TMEM43: variants seen among roughly 807,000 people sequenced by gnomAD.
TMEM43 encodes the protein arrhythmogenic right ventricular dysplasia 5.
A neutral mutation model predicts 49.6 loss-of-function variants in TMEM43; 45 were observed. The ratio of observed to expected loss-of-function variants is 0.91; its 90% CI spans 0.71 to 1.16. The LOEUF (loss-of-function observed/expected upper bound fraction) is 1.16. Among genes scored for constraint, TMEM43 ranks in the 50% most tolerant of loss-of-function variants. The probability of loss-of-function intolerance (pLI) is 0.00; values close to 1 mark genes in which losing one functional copy is unlikely to be tolerated. For synonymous variants in TMEM43, 199 were observed against 207.8 expected (o/e 0.96, Z 0.36); for missense variants, 532 against 516.6 (o/e 1.03, Z -0.29).
intron 1 of TMEM43, among the ~76,000 whole-genome samples, chr3:14,127,420 T>C (rs1260877190): frequency 6.6e-6 from 1 of 152,222 alleles, no homozygotes; most frequent in Non-Finnish European, 1.5e-5. Context: ...TTCCTATTGC[T>C]GCCTGCAGCT....
intron 10 of TMEM43, 85 bp downstream of exon 10, chr3:14,135,993 CA>C: frequency 8.6e-7 from 1 of 1,165,520 alleles, no homozygotes. Flanking sequence ...ATCACACTAC[CA>C]GGGGTCATAG....
At chr3:14,130,730 G>C in intron 2 of TMEM43, 92 bp from the exon 3 acceptor site, 1 of 1,496,138 alleles carries the variant, frequency 6.7e-7, no homozygotes, top group South Asian at 1.3e-5. Flanking sequence ...AGCGCTCCCG[G>C]AGGCCCCATC....
intron 4 of TMEM43, 79 bp from the exon 5 acceptor site, chr3:14,132,467 C>CT (rs1695109482): frequency 6.6e-7 from 1 of 1,524,638 alleles, no homozygotes; most frequent in Admixed American, 1.7e-5. Flanking sequence ...CCTGAGGTTG[C>CT]TTCCTGCTCA....
intron 11 of TMEM43, 99 bp downstream of exon 11, chr3:14,139,396 C>T (rs954156693): frequency 5.7e-6 from 5 of 875,494 alleles, no homozygotes; most frequent in Non-Finnish European, 7.8e-6. Flanking sequence ...ATGGGATGGC[C>T]CTTGTGCAGA....
chr3:14,135,716 G>A (rs372244910), intron 9 of TMEM43, 91 bp from the exon 10 acceptor site: 218 of 1,092,884 alleles, frequency 2.0e-4, no homozygotes, highest in Non-Finnish European at 2.6e-4. Flanking sequence ...TTCCCCAGCC[G>A]GCACCCAGTC....
chr3:14,127,594 T>C (rs1461195141), intron 1 of TMEM43, among the ~76,000 whole-genome samples: 1 of 152,198 alleles, frequency 6.6e-6, no homozygotes, highest in African/African-American at 2.4e-5. Flanking sequence ...CCGATTTTCT[T>C]ATCGGTGAAA....
Position 14,132,598 on chromosome 3 carries a change from G to A in TMEM43, c.442+3G>A. On this transcript the variant is annotated splice_donor_region_variant and intron_variant, in intron 5 of 11. Transcript: ENST00000306077. ...GAAGGAGACGAGGTATTCCTACAGTGAGTGCTGGGCCCCTTACGTGGTCTC... is the reference window on the plus strand; with the variant it reads ...GAAGGAGACGAGGTATTCCTACAGTAAGTGCTGGGCCCCTTACGTGGTCTC... The A allele has an allele frequency of 6.2e-7, 1 of 1,614,024 alleles. No individual in the cohort carries two copies. The highest frequency in any genetic ancestry group is 8.5e-7 in the Non-Finnish European group (1 of 1,179,964).
chr3:14,128,990 C>G (rs754983005), intron 1 of TMEM43: 1 of 456,192 alleles, frequency 2.2e-6, no homozygotes, highest in East Asian at 7.0e-5. Flanking sequence ...GAATGAATTG[C>G]AAAAGCAGTG....
Position 14,141,885 on chromosome 3 carries a change from C to G in TMEM43, c.*90C>G, listed in dbSNP as rs1695253608. ...ACCCAGCTCCATGCCAGAGCAGGAG[C>G]CCCGGTCAATTTTGGACTCTGCACT... On this transcript the variant is annotated 3_prime_UTR_variant, in exon 12 of 12. Transcript: ENST00000306077. 4 of 1,390,516 alleles carry G rather than the reference C, an allele frequency of 2.9e-6. No homozygotes were observed. The highest frequency in any genetic ancestry group is 1.4e-5 in the African/African-American group (1 of 69,712). The allele number at this position is 1,390,516 out of a possible 1,614,324, so 86.1% of individuals were successfully genotyped here. A position where few individuals can be genotyped will look rare whatever the true frequency, so the allele number is the denominator to read the frequency against.
At chr3:14,140,396 C>T (rs1223840917) in intron 11 of TMEM43, among the ~76,000 whole-genome samples, 1 of 152,076 alleles carries the variant, frequency 6.6e-6, no homozygotes, top group South Asian at 2.1e-4. Context: ...GTCTGGAATG[C>T]GCCAGACTCA....
intron 11 of TMEM43, 141 bp from the exon 12 acceptor site, chr3:14,141,444 ACGAAGCTC>A (rs1321156114): frequency 2.3e-5 from 19 of 820,722 alleles, no homozygotes; most frequent in Non-Finnish European, 3.6e-5. Context: ...AGCTTTCAGA[ACGAAGCTC>A]CTTGCCTTCC....
Position 14,129,307 on chromosome 3 carries a change from T to TAAAAAA in TMEM43, c.13-83_13-78dup, listed in dbSNP as rs10648308. ...TGTTTTTACCACATACAGTTAAAAC[T>TAAAAAA]AAAAAAAAAAAAAAAAAAAAAAAAA... On this transcript the variant is annotated intron_variant, in intron 1 of 11. Coordinates refer to ENST00000306077, the MANE Select transcript of TMEM43 (RefSeq NM_024334.3). 237 of 380,600 alleles carry TAAAAAA rather than the reference T, an allele frequency of 6.2e-4. 3 individuals are homozygous for TAAAAAA. The highest frequency in any genetic ancestry group is 5.7e-3 in the African/African-American group (164 of 28,882). The allele number at this position is 380,600 out of a possible 1,614,324, so 23.6% of individuals were successfully genotyped here.
At chr3:14,132,412 T>G (rs1574937998) in intron 4 of TMEM43, 134 bp from the exon 5 acceptor site, 3 of 854,020 alleles carry the variant, frequency 3.5e-6, no homozygotes. Flanking sequence ...TTGGGGCTGG[T>G]GTAGAGAAGG....
intron 7 of TMEM43, among the ~76,000 whole-genome samples, chr3:14,134,489 G>T (rs149357575): frequency 6.6e-6 from 1 of 152,216 alleles, no homozygotes; most frequent in Admixed American, 6.5e-5. Flanking sequence ...AGGCTTGGAC[G>T]TGGATGGCCG....
At chr3:14,127,006 A>G (rs906079972) in intron 1 of TMEM43, among the ~76,000 whole-genome samples, 2 of 152,164 alleles carry the variant, frequency 1.3e-5, no homozygotes, top group African/African-American at 2.4e-5. Context: ...CATCAAATCC[A>G]GTTCTGTCCA....
chr3:14,126,520 C>T (rs1307058255), intron 1 of TMEM43, among the ~76,000 whole-genome samples: 1 of 152,152 alleles, frequency 6.6e-6, no homozygotes, highest in Non-Finnish European at 1.5e-5. Flanking sequence ...ATTCTTCCAC[C>T]CAGTAGCTGT....
At chr3:14,135,387 G>A (rs994846073) in intron 9 of TMEM43, among the ~76,000 whole-genome samples, 155 bp downstream of exon 9, 3 of 152,144 alleles carry the variant, frequency 2.0e-5, no homozygotes, top group Non-Finnish European at 4.4e-5. Context: ...CTTCTGAGCA[G>A]TTTCAGAGCT....
chr3:14,137,570 C>T (rs575527575), intron 10 of TMEM43, among the ~76,000 whole-genome samples: 1 of 152,286 alleles, frequency 6.6e-6, no homozygotes, highest in South Asian at 2.1e-4. Flanking sequence ...AGAAAAAAGG[C>T]CCAGAGCCAG....
intron 9 of TMEM43, 93 bp from the exon 10 acceptor site, chr3:14,135,714 C>A: frequency 9.4e-7 from 1 of 1,064,942 alleles, no homozygotes; most frequent in Non-Finnish European, 1.4e-6. Context: ...ACTTCCCCAG[C>A]CGGCACCCAG....
Sources: allele counts gnomAD v4.1 joint callset (sites outside exome capture counted in the v4.1 genomes callset), GRCh38; gene constraint gnomAD v4.1.1; transcripts MANE v1.5; gene names NCBI Gene and HGNC (gene_info 2026-07-23, HGNC 2026-07-21).